WDR86: variants seen among roughly 807,000 people sequenced by gnomAD.
WDR86 encodes the protein WD repeat-containing protein 86.
WDR86 carries 30 observed loss-of-function variants against 36.5 expected under a neutral mutation model. The observed-to-expected ratio is 0.82, with a 90% CI of 0.61 to 1.11. WDR86 has a LOEUF of 1.11. Among genes scored for constraint, WDR86 ranks in the 50% most tolerant of loss-of-function variants. The pLI is 0.00. For synonymous variants in WDR86, 255 were observed against 252.9 expected (o/e 1.01, Z -0.08); for missense variants, 545 against 561.2 (o/e 0.97, Z 0.29).
Position 151,406,930 on chromosome 7 carries a change from A to G in WDR86, c.163+2497T>C, listed in dbSNP as rs186416499. Among the ~76,000 whole-genome samples, 2 of 152,286 alleles carry G rather than the reference A, an allele frequency of 1.3e-5. No individual in the cohort carries two copies. Among genetic ancestry groups the G allele is most frequent in the African/African-American group, 4.8e-5 (2 of 41,564 alleles). ...AAGACATTTTAATAATATTTCACTG[A>G]TAGAAAAAAAAAATCCTGCAGGAGA... On this transcript the variant is annotated intron_variant, in intron 1 of 5. Transcript: ENST00000334493. This position sits in a 1 kb window ranked among gnomAD's most constrained non-coding sequence, Gnocchi z 4.4.
chr7:151,383,477 A>G (rs1202856980), intron 4 of WDR86, among the ~76,000 whole-genome samples: 2 of 134,378 alleles, frequency 1.5e-5, no homozygotes, highest in Non-Finnish European at 3.0e-5. Flanking sequence ...CCGTCTCAAA[A>G]AAAAAAAAAA....
At chr7:151,382,937 CCTAT>C (rs1177470495) in intron 4 of WDR86, among the ~76,000 whole-genome samples, 2 of 151,264 alleles carry the variant, frequency 1.3e-5, no homozygotes, top group African/African-American at 4.9e-5. Flanking sequence ...TGCTGGGCTA[CCTAT>C]CTATCTGAGG....
downstream of WDR86, chr7:151,374,337 C>T: frequency 7.0e-7 from 1 of 1,420,076 alleles, no homozygotes; most frequent in Non-Finnish European, 9.6e-7. Flanking sequence ...CCCGGGCTCA[C>T]TCCTATGGGC....
chr7:151,396,111 G>A lies in WDR86; in HGVS notation c.391C>T (p.Arg131Trp), dbSNP rs772649638. Residue 131 changes from arginine to tryptophan, a missense_variant, in exon 3 of 6, where the codon CGG becomes TGG. Physicochemically the swap from Arg to Trp is moderately radical, Grantham distance 101. Transcript: ENST00000334493. The stretch of plus-strand genomic sequence containing the variant: ...CAGTTGCGGTGGCCCCGGAACTCCC[G>A]GGACATCTGCCCCTTGTCCACACTC... ...VWSVDKGQMS[R>W]EFRGHRNCVL... is the part of the protein sequence containing the mutation. 4.3e-5 allele frequency: 70 copies of A among 1,612,814 alleles called. No individual in the cohort carries two copies. The highest frequency in any genetic ancestry group is 2.5e-4 in the East Asian group (11 of 44,868).
chr7:151,379,101 A>G (rs1421324082), downstream of WDR86, among the ~76,000 whole-genome samples: 1 of 152,210 alleles, frequency 6.6e-6, no homozygotes. Flanking sequence ...TTGGGGAGTC[A>G]GAGGAAAAAG....
At chr7:151,377,075 C>CCGTCA, downstream of WDR86, 2 of 1,572,224 alleles carry the variant, frequency 1.3e-6, no homozygotes, top group Non-Finnish European at 1.7e-6. Context: ...CAGACGAAGA[C>CCGTCA]ATGGAGACAG....
downstream of WDR86, chr7:151,374,343 T>C (rs1177952900): frequency 2.1e-6 from 3 of 1,408,746 alleles, no homozygotes; most frequent in African/African-American, 2.8e-5. Context: ...CTCACTCCTA[T>C]GGGCTGCCCC....
chr7:151,403,371 G>A (rs975590794), intron 1 of WDR86, among the ~76,000 whole-genome samples: 1 of 152,076 alleles, frequency 6.6e-6, no homozygotes, highest in African/African-American at 2.4e-5. Context: ...CACATTTGGG[G>A]GACATACTTA....
intron 2 of WDR86, among the ~76,000 whole-genome samples, chr7:151,397,771 GTAGCAGGAGGAAGGGCA>G (rs138090663): frequency 3.3e-4 from 23 of 68,950 alleles, no homozygotes; most frequent in African/African-American, 1.4e-3. Flanking sequence ...GGAAGAGGGC[GTAGCAGGAGGAAGGGCA>G]TAGCGGGAGG....
At chr7:151,379,351 G>A (rs1379796113), downstream of WDR86, among the ~76,000 whole-genome samples, 1 of 152,184 alleles carries the variant, frequency 6.6e-6, no homozygotes, top group African/African-American at 2.4e-5. Context: ...CTGGTCAGGT[G>A]TCCTTGATGC....
rs1801037755 is a variant in WDR86 at position 151,409,527 on chromosome 7, C to T, written c.63G>A (p.Leu21=). The T allele has an allele frequency of 6.5e-7, 1 of 1,528,610 alleles. No homozygotes were observed. Among genetic ancestry groups the T allele is most frequent in the Non-Finnish European group, 8.7e-7 (1 of 1,143,540 alleles). The allele number at this position is 1,528,610 out of a possible 1,614,324, so 94.7% of individuals were successfully genotyped here. A position where few individuals can be genotyped will look rare whatever the true frequency, so the allele number is the denominator to read the frequency against. Residue 21 remains leucine, a synonymous_variant, in exon 1 of 6, where the codon CTG becomes CTA. Transcript: ENST00000334493. The surrounding 1 kb of genome is among the most constrained non-coding windows in gnomAD (Gnocchi z 5.2). ...CADHRGGINW[L]SLSPDGQRLL... The stretch of plus-strand genomic sequence containing the variant: ...GGCGCTGCCCGTCGGGGCTCAGGCT[C>T]AGCCAGTTGATGCCCCCGCGGTGGT...
downstream of WDR86, among the ~76,000 whole-genome samples, chr7:151,373,609 C>G (rs931006414): frequency 9.2e-5 from 14 of 152,212 alleles, no homozygotes; most frequent in Admixed American, 2.0e-4. Flanking sequence ...GGCGGGTCAC[C>G]AGCTTTGGCA....
chr7:151,380,883 G>A (rs982620914), downstream of WDR86, among the ~76,000 whole-genome samples: 1 of 146,708 alleles, frequency 6.8e-6, no homozygotes, highest in Admixed American at 7.1e-5. Context: ...CAGGGTCCCC[G>A]CTGTCACCTG....
downstream of WDR86, among the ~76,000 whole-genome samples, chr7:151,375,494 G>A (rs892595056): frequency 5.3e-5 from 8 of 152,222 alleles, no homozygotes; most frequent in African/African-American, 1.9e-4. Context: ...TAAGTCTAGA[G>A]GGCATGACGC....
At chr7:151,395,494 G>GACACACAC (rs57122668) in intron 3 of WDR86, among the ~76,000 whole-genome samples, 271 of 147,140 alleles carry the variant, frequency 1.8e-3, no homozygotes, top group Middle Eastern at 0.011. Context: ...AAGAGATTAG[G>GACACACAC]ACACACACAC....
chr7:151,378,491 C>T (rs1313807337), downstream of WDR86: 4 of 152,214 alleles, frequency 2.6e-5, no homozygotes, highest in Non-Finnish European at 4.4e-5. Flanking sequence ...GCCTCCCCAG[C>T]TGTAGGTGTT....
At chr7:151,400,924 G>A (rs990194513) in intron 1 of WDR86, among the ~76,000 whole-genome samples, 3 of 152,146 alleles carry the variant, frequency 2.0e-5, no homozygotes, top group East Asian at 1.9e-4. Flanking sequence ...GATTTTTACC[G>A]GTCCTCACAG....
At chr7:151,375,904 C>A (rs561964757), downstream of WDR86, 1 of 1,613,452 alleles carries the variant, frequency 6.2e-7, no homozygotes, top group Non-Finnish European at 8.5e-7. Context: ...CTGAAACCGA[C>A]AACCGTCAAG....
chr7:151,389,268 G>A (rs1410206353), intron 3 of WDR86, among the ~76,000 whole-genome samples: 2 of 151,932 alleles, frequency 1.3e-5, no homozygotes, highest in South Asian at 2.1e-4. Flanking sequence ...CCAGTCTAAG[G>A]TATTTTGTTA....
Sources: allele counts gnomAD v4.1 joint callset (sites outside exome capture counted in the v4.1 genomes callset), GRCh38; gene constraint gnomAD v4.1.1; non-coding constraint Gnocchi (gnomAD v3.1); transcripts MANE v1.5; gene names NCBI Gene and HGNC (gene_info 2026-07-23, HGNC 2026-07-21).